The following ANKHD1 variants were observed in gnomAD, a reference collection of about 807,000 sequenced individuals.
The protein encoded by ANKHD1 is ankyrin repeat and KH domain-containing protein 1.
In ANKHD1, 31 loss-of-function variants were observed where a neutral mutation model predicts 230.5. The ratio of observed to expected loss-of-function variants is 0.13; its 90% confidence interval spans 0.10 to 0.18. The LOEUF (loss-of-function observed/expected upper bound fraction) is 0.18. Among genes scored for constraint, ANKHD1 ranks in the 10% least tolerant of loss-of-function variants. The pLI is 1.00. For synonymous variants in ANKHD1, 1,074 were observed against 1,117.6 expected (o/e 0.96, Z 0.78); for missense variants, 2,256 against 3,071.3 (o/e 0.73, Z 6.27).
At chr5:140,514,407 T>C (rs1044538180) in intron 24 of ANKHD1, among the ~76,000 whole-genome samples, 4 of 151,638 alleles carry the variant, frequency 2.6e-5, no homozygotes, top group African/African-American at 9.7e-5. Flanking sequence ...GGTGGGAGGA[T>C]GGCCTGAGCC....
chr5:140,402,500 C>T (rs1351134636), intron 1 of ANKHD1, among the ~76,000 whole-genome samples: 4 of 152,274 alleles, frequency 2.6e-5, no homozygotes, highest in East Asian at 1.9e-4. Flanking sequence ...AATAGGGAGT[C>T]CTTTGGTCTC....
intron 22 of ANKHD1, among the ~76,000 whole-genome samples, chr5:140,512,237 C>CA (rs61129594): frequency 0.011 from 1,008 of 87,816 alleles, 2 homozygotes; most frequent in South Asian, 0.028. Context: ...ACTCCCATCT[C>CA]AAAAAAAAAA....
intron 1 of ANKHD1, among the ~76,000 whole-genome samples, chr5:140,420,119 A>G (rs1426154310): frequency 6.7e-6 from 1 of 148,948 alleles, no homozygotes; most frequent in African/African-American, 2.5e-5. Flanking sequence ...TCAGCCTCCC[A>G]AGTAGCTGGA....
chr5:140,531,396 C>CATTTAGTAGAG (rs1271653171), intron 29 of ANKHD1: 1 of 314,296 alleles, frequency 3.2e-6, no homozygotes, highest in African/African-American at 2.3e-5. Flanking sequence ...GCCTGGCCAA[C>CATTTAGTAGAG]ATGGTGAAAC....
At chr5:140,455,753 A>G (rs942752736) in intron 7 of ANKHD1, among the ~76,000 whole-genome samples, 47 of 152,220 alleles carry the variant, frequency 3.1e-4, no homozygotes, top group Admixed American at 3.0e-3. Flanking sequence ...CCCACAGCCA[A>G]TATCATACTG....
intron 7 of ANKHD1, among the ~76,000 whole-genome samples, chr5:140,450,430 A>C (rs1228818709): frequency 6.6e-6 from 1 of 151,966 alleles, no homozygotes; most frequent in Non-Finnish European, 1.5e-5. Context: ...AGTAGGTTCA[A>C]GTGATTCTCG....
chr5:140,514,203 A>C (rs1752885313), intron 24 of ANKHD1, among the ~76,000 whole-genome samples: 1 of 151,582 alleles, frequency 6.6e-6, no homozygotes. Flanking sequence ...AAAAAAAAAA[A>C]AAAAGGAATT....
chr5:140,485,057 A>G lies in ANKHD1; in HGVS notation c.1871-64A>G. On this transcript the variant is annotated intron_variant, in intron 11 of 33. Coordinates refer to ENST00000360839, the MANE Select transcript of ANKHD1 (RefSeq NM_017747.3). This position sits in a 1 kb window ranked among gnomAD's most constrained non-coding sequence, Gnocchi z 4.8. ...ATACTTCACAAAAAATTTTTAAATGATATTGACTATGAACTAGCTTGATGT... is the reference window on the plus strand; with the variant it reads ...ATACTTCACAAAAAATTTTTAAATGGTATTGACTATGAACTAGCTTGATGT... 1 of 1,530,890 alleles carries G rather than the reference A, an allele frequency of 6.5e-7. No homozygotes were observed. The highest frequency in any genetic ancestry group is 8.8e-7 in the Non-Finnish European group (1 of 1,131,928). 94.8% of individuals were successfully genotyped at this position (1,530,890 alleles called of 1,614,324 possible).
intron 7 of ANKHD1, among the ~76,000 whole-genome samples, chr5:140,450,425 G>T (rs769543142): frequency 2.0e-5 from 3 of 151,478 alleles, no homozygotes; most frequent in Non-Finnish European, 4.4e-5. Context: ...TCCCAAGTAG[G>T]TTCAAGTGAT....
intron 10 of ANKHD1, among the ~76,000 whole-genome samples, chr5:140,477,387 A>G (rs561497687): frequency 1.3e-5 from 2 of 152,190 alleles, no homozygotes; most frequent in South Asian, 2.1e-4. Context: ...ACAATTTTTT[A>G]TCTTTCATAA....
At chr5:140,505,359 A>T in intron 17 of ANKHD1, 126 bp downstream of exon 17, 1 of 1,126,234 alleles carries the variant, frequency 8.9e-7, no homozygotes. Flanking sequence ...TCAGTTAGGA[A>T]TATCTGGATT....
intron 24 of ANKHD1, among the ~76,000 whole-genome samples, chr5:140,514,058 G>T (rs1752877548): frequency 6.6e-6 from 1 of 151,784 alleles, no homozygotes; most frequent in Non-Finnish European, 1.5e-5. Flanking sequence ...GGTGGTACAT[G>T]CCTGCAATCC....
At chr5:140,519,111 C>A (rs941550654) in intron 24 of ANKHD1, among the ~76,000 whole-genome samples, 1 of 152,132 alleles carries the variant, frequency 6.6e-6, no homozygotes, top group Non-Finnish European at 1.5e-5. Flanking sequence ...AATCAATGTA[C>A]AAAAATCACA....
intron 14 of ANKHD1, 38 bp from the exon 15 acceptor site, chr5:140,496,482 T>TTTAA: frequency 2.9e-6 from 3 of 1,036,350 alleles, no homozygotes; most frequent in Non-Finnish European, 3.8e-6. Flanking sequence ...TTTTTTTTTT[T>TTTAA]AGCATGGCAC....
At chr5:140,428,284 C>T (rs1170730377) in intron 1 of ANKHD1, among the ~76,000 whole-genome samples, 1 of 152,230 alleles carries the variant, frequency 6.6e-6, no homozygotes, top group Non-Finnish European at 1.5e-5. Context: ...CCAAGGCAGG[C>T]TGCTGGGAGG....
At chr5:140,429,904 A>G (rs1420933845) in intron 1 of ANKHD1, among the ~76,000 whole-genome samples, 5 of 152,208 alleles carry the variant, frequency 3.3e-5, no homozygotes, top group Non-Finnish European at 7.3e-5. Context: ...GATTTTTCAA[A>G]CTAGACTTTG....
intron 1 of ANKHD1, among the ~76,000 whole-genome samples, chr5:140,433,689 T>C (rs755401032): frequency 1.3e-5 from 2 of 152,134 alleles, no homozygotes; most frequent in African/African-American, 4.8e-5. Flanking sequence ...CTTTAGTAAA[T>C]ATTGAGAGAA....
At chr5:140,532,426 T>G (rs1039201523) in intron 29 of ANKHD1, among the ~76,000 whole-genome samples, 2 of 151,906 alleles carry the variant, frequency 1.3e-5, no homozygotes, top group Non-Finnish European at 2.9e-5. Context: ...AGCTTAGGGG[T>G]GCAGAATTTC....
chr5:140,487,174 A>G, intron 14 of ANKHD1, 114 bp downstream of exon 14: 1 of 1,135,514 alleles, frequency 8.8e-7, no homozygotes, highest in Non-Finnish European at 1.2e-6. Flanking sequence ...ATTGAGGTAG[A>G]TAATTCTGAC....
Sources: allele counts gnomAD v4.1 joint callset (sites outside exome capture counted in the v4.1 genomes callset), GRCh38; gene constraint gnomAD v4.1.1; non-coding constraint Gnocchi (gnomAD v3.1); transcripts MANE v1.5; gene names NCBI Gene and HGNC (gene_info 2026-07-23, HGNC 2026-07-21).